GNAS-AS1: variants seen among roughly 807,000 people sequenced by gnomAD.
GNAS-AS1 encodes the protein GNAS antisense RNA 1 (non-protein coding).
At chr20:58,849,779 C>T (rs1219041185) in intron 1 of GNAS-AS1, among the ~76,000 whole-genome samples, 2 of 152,240 alleles carry the variant, frequency 1.3e-5, no homozygotes, top group East Asian at 3.8e-4. Flanking sequence ...CTTCCTTCAC[C>T]GTGCTAGGTC....
intron 4 of GNAS-AS1, among the ~76,000 whole-genome samples, chr20:58,822,981 C>T (rs75422248): frequency 0.014 from 2,125 of 152,262 alleles, 48 homozygotes; most frequent in African/African-American, 0.048. Context: ...CACCTGCGCT[C>T]TTGCCTGCCC....
intron 4 of GNAS-AS1, among the ~76,000 whole-genome samples, chr20:58,821,634 C>A (rs2085487898): frequency 6.6e-6 from 1 of 152,128 alleles, no homozygotes; most frequent in South Asian, 2.1e-4. Flanking sequence ...GTATGGCTAA[C>A]CCTAGCGTCC....
intron 4 of GNAS-AS1, chr20:58,839,503 T>C: frequency 2.5e-6 from 1 of 403,588 alleles, no homozygotes; most frequent in East Asian, 3.6e-5. Context: ...GCCCAAGTAC[T>C]GGACCTGGGG....
chr20:58,842,250 A>T (rs569455269), intron 3 of GNAS-AS1: 125 of 398,458 alleles, frequency 3.1e-4, no homozygotes, highest in African/African-American at 2.3e-3. Flanking sequence ...AAATGTCTTT[A>T]AAAAATCTCA....
chr20:58,826,872 T>TTTTTTTTTTTTTG (rs2085524746), intron 4 of GNAS-AS1: 1 of 143,004 alleles, frequency 7.0e-6, no homozygotes, highest in Non-Finnish European at 1.5e-5. Context: ...GCTTTTTTTT[T>TTTTTTTTTTTTTG]TTTTTTTTTT....
chr20:58,834,435 G>A (rs924923149), intron 4 of GNAS-AS1: 1 of 152,316 alleles, frequency 6.6e-6, no homozygotes, highest in Non-Finnish European at 1.5e-5. Context: ...AACCAGACAA[G>A]CTCAGTGTAG....
intron 2 of GNAS-AS1, among the ~76,000 whole-genome samples, chr20:58,847,080 G>A (rs537237836): frequency 2.0e-5 from 3 of 152,360 alleles, no homozygotes; most frequent in East Asian, 3.9e-4. Context: ...TTCAAGCACA[G>A]GTGGTCAGAG....
At chr20:58,824,281 C>A (rs1015804943) in intron 4 of GNAS-AS1, among the ~76,000 whole-genome samples, 5 of 152,276 alleles carry the variant, frequency 3.3e-5, no homozygotes, top group African/African-American at 9.6e-5. Context: ...CTGGCCTCCT[C>A]TCTGCCTTGG....
In GNAS-AS1 at chr20:58,840,736, CA is replaced by C. The variant is rs747919997; in HGVS notation, n.819+1200del. 6.2e-7 allele frequency: 1 copy of C among 1,605,074 alleles called. No homozygotes were observed. The highest frequency in any genetic ancestry group is 1.1e-5 in the South Asian group (1 of 90,974). On this transcript the variant is annotated intron_variant and non_coding_transcript_variant, in intron 4 of 4. Transcript: ENST00000424094. This position sits in a 1 kb window ranked among gnomAD's most constrained non-coding sequence, Gnocchi z 6.0. ...GGGACCCCGAAGAGTCGAAGGAGCC[CA>C]AGGAGGAGAAGCAGCGGCGTCGCTG...
exon 5 of GNAS-AS1, chr20:58,819,176 A>T: frequency 2.5e-6 from 1 of 398,668 alleles, no homozygotes; most frequent in Admixed American, 4.4e-5. Context: ...TCAAACCAGG[A>T]ACGTGGCACT....
chr20:58,843,562 G>A (rs76864351), intron 2 of GNAS-AS1, among the ~76,000 whole-genome samples: 1,800 of 152,278 alleles, frequency 0.012, 35 homozygotes, highest in African/African-American at 0.04. Flanking sequence ...TCTGCGGGGT[G>A]AGGATAGGCT....
chr20:58,839,750 T>C, intron 4 of GNAS-AS1: 1 of 522,546 alleles, frequency 1.9e-6, no homozygotes, highest in Non-Finnish European at 3.3e-6. Context: ...CTCGCCTCAG[T>C]CTCCTCTGTC....
chr20:58,826,266 T>C, intron 4 of GNAS-AS1: 1 of 392,404 alleles, frequency 2.5e-6, no homozygotes. Flanking sequence ...GTTGTCATAC[T>C]ACTATTAACA....
intron 4 of GNAS-AS1, among the ~76,000 whole-genome samples, chr20:58,833,045 A>C (rs1006433914): frequency 6.6e-6 from 1 of 152,254 alleles, no homozygotes; most frequent in African/African-American, 2.4e-5. Context: ...CCAGGTGCCC[A>C]GGCACTCAGG....
rs1349612054 is a variant in GNAS-AS1 at position 58,840,632 on chromosome 20, A to G, written n.819+1305T>C. On this transcript the variant is annotated intron_variant and non_coding_transcript_variant, in intron 4 of 4. Coordinates refer to ENST00000424094, the Ensembl canonical transcript of GNAS-AS1. The surrounding 1 kb of genome is among the most constrained non-coding windows in gnomAD (Gnocchi z 6.0). ...GTTGCGAAGCCCCGACGCCTCCCCAAGTCGCGCGCCGCCCAGCACTCAGGA... is the reference window on the plus strand; with the variant it reads ...GTTGCGAAGCCCCGACGCCTCCCCAGGTCGCGCGCCGCCCAGCACTCAGGA... 6 of 1,606,498 alleles carry G rather than the reference A, an allele frequency of 3.7e-6. No individual in the cohort carries two copies. The highest frequency in any genetic ancestry group is 3.3e-5 in the South Asian group (3 of 91,026).
At chr20:58,836,843 G>A (rs2085606994) in intron 4 of GNAS-AS1, among the ~76,000 whole-genome samples, 1 of 152,236 alleles carries the variant, frequency 6.6e-6, no homozygotes, top group African/African-American at 2.4e-5. Flanking sequence ...AACTACACAG[G>A]ACTGGGGCTC....
chr20:58,850,515 C>A, intron 1 of GNAS-AS1: 1 of 398,664 alleles, frequency 2.5e-6, no homozygotes, highest in South Asian at 1.3e-4. Context: ...GGCTCCAACC[C>A]CAATGTCTAC....
chr20:58,825,841 G>C (rs1159777710), intron 4 of GNAS-AS1, among the ~76,000 whole-genome samples: 1 of 152,170 alleles, frequency 6.6e-6, no homozygotes, highest in East Asian at 1.9e-4. Flanking sequence ...TGCTAGGAGA[G>C]GCTGCAATGC....
chr20:58,820,054 A>G (rs1438492990), intron 4 of GNAS-AS1, among the ~76,000 whole-genome samples: 1 of 152,198 alleles, frequency 6.6e-6, no homozygotes, highest in African/African-American at 2.4e-5. Flanking sequence ...GTGCCCCACC[A>G]GAGCCCCCAG....
Sources: allele counts gnomAD v4.1 joint callset (sites outside exome capture counted in the v4.1 genomes callset), GRCh38; gene constraint gnomAD v4.1.1; non-coding constraint Gnocchi (gnomAD v3.1); transcripts MANE v1.5; gene names NCBI Gene and HGNC (gene_info 2026-07-23, HGNC 2026-07-21).